The following CFAP20DC variants were observed in gnomAD, a reference collection of about 807,000 sequenced individuals.
The protein encoded by CFAP20DC is CFAP20 domain containing, also known as protein CFAP20DC.
CFAP20DC carries 84 observed loss-of-function variants against 101.7 expected under a neutral mutation model. The ratio of observed to expected loss-of-function variants is 0.83; its 90% CI spans 0.69 to 0.99. CFAP20DC has a LOEUF of 0.99. Ranked by LOEUF, CFAP20DC falls within the 50% of genes least tolerant of loss-of-function variation. The pLI is 0.00. For synonymous variants in CFAP20DC, 359 were observed against 351.2 expected, an observed-to-expected ratio of 1.02 and a Z score of -0.25; for missense variants, 1,007 against 970.3, an observed-to-expected ratio of 1.04 and a Z score of -0.50.
intron 15 of CFAP20DC, among the ~76,000 whole-genome samples, chr3:58,794,631 G>A (rs941235968): frequency 4.6e-5 from 7 of 152,116 alleles, no homozygotes; most frequent in African/African-American, 1.7e-4. Context: ...AAATTACAGG[G>A]AAGAAGTAAC....
chr3:59,027,128 G>A (rs905627753), intron 4 of CFAP20DC, among the ~76,000 whole-genome samples: 1 of 152,160 alleles, frequency 6.6e-6, no homozygotes, highest in African/African-American at 2.4e-5. Context: ...ACTCTGGAAT[G>A]AGCATCATAA....
chr3:58,877,791 G>C (rs1257489991), intron 7 of CFAP20DC, among the ~76,000 whole-genome samples: 3 of 152,124 alleles, frequency 2.0e-5, no homozygotes, highest in Non-Finnish European at 4.4e-5. Flanking sequence ...TGAAAAACTG[G>C]GTTTATTAAT....
At chr3:58,853,482 T>G (rs551424722) in intron 12 of CFAP20DC, among the ~76,000 whole-genome samples, 25 of 152,260 alleles carry the variant, frequency 1.6e-4, no homozygotes, top group African/African-American at 4.1e-4. Flanking sequence ...TAAATCATTT[T>G]ATGAGGCCAG....
chr3:58,956,104 G>A (rs926918950), intron 4 of CFAP20DC, among the ~76,000 whole-genome samples: 1 of 151,430 alleles, frequency 6.6e-6, no homozygotes, highest in Non-Finnish European at 1.5e-5. Flanking sequence ...TATATTCCCA[G>A]TTGTAGTGGC....
intron 4 of CFAP20DC, among the ~76,000 whole-genome samples, chr3:59,032,738 A>G (rs2094020317): frequency 6.6e-6 from 1 of 152,186 alleles, no homozygotes; most frequent in Non-Finnish European, 1.5e-5. Context: ...CCTGGGATGG[A>G]GCACCTGGGG....
chr3:58,937,743 T>A lies in CFAP20DC; in HGVS notation c.298A>T (p.Ile100Phe). ...GTTGATAAATATAATCTTCTTTTGA[T>A]GTTCCCTAAATCAGTAATTCTGAAA... Reference protein sequence around the residue: ...TELLITDLGNIKRRLYLSTVH... With the variant: ...TELLITDLGNFKRRLYLSTVH... Residue 100 changes from isoleucine (I) to phenylalanine (F), a missense_variant, in exon 5 of 17, where the codon ATC becomes TTC. Ile to Phe is a conservative substitution (Grantham distance 21, BLOSUM62 0). Coordinates refer to ENST00000482387, the MANE Select transcript of CFAP20DC (RefSeq NM_001394063.1). 6.3e-7 allele frequency: 1 copy of A among 1,599,886 alleles called. No homozygotes were observed. The highest frequency in any genetic ancestry group is 8.6e-7 in the Non-Finnish European group (1 of 1,167,384).
At chr3:58,752,306 C>G (rs2068632308) in intron 16 of CFAP20DC, among the ~76,000 whole-genome samples, 1 of 152,094 alleles carries the variant, frequency 6.6e-6, no homozygotes, top group African/African-American at 2.4e-5. Context: ...CAGGGGACAG[C>G]TGATAAAAAT....
chr3:59,038,243 C>T (rs2094137705), intron 4 of CFAP20DC, among the ~76,000 whole-genome samples: 1 of 152,090 alleles, frequency 6.6e-6, no homozygotes, highest in Non-Finnish European at 1.5e-5. Context: ...AACAAACCTG[C>T]ACGTTCTGCA....
In CFAP20DC at chr3:58,881,326, T is replaced by A. The variant is rs938662417; in HGVS notation, c.715+3219A>T. ...TTTGTGCTTAGTGGACCACTGCATCTTGTCACTAGTAGCTGAATGCTCAAC... is the reference window on the plus strand; with the variant it reads ...TTTGTGCTTAGTGGACCACTGCATCATGTCACTAGTAGCTGAATGCTCAAC... On this transcript the variant is annotated intron_variant, in intron 7 of 16. Coordinates refer to ENST00000482387, the MANE Select transcript of CFAP20DC (RefSeq NM_001394063.1). Among the ~76,000 whole-genome samples, 11 of 152,122 alleles carry A rather than the reference T, an allele frequency of 7.2e-5. 1 individual carries two copies. The highest frequency in any genetic ancestry group is 1.6e-4 in the Non-Finnish European group (11 of 67,970).
At chr3:58,815,407 AG>A (rs2075035440) in intron 14 of CFAP20DC, among the ~76,000 whole-genome samples, 1 of 138,458 alleles carries the variant, frequency 7.2e-6, no homozygotes, top group Non-Finnish European at 1.6e-5. Flanking sequence ...TAAAAACCCT[AG>A]AAGAAAACCT....
At chr3:59,045,020 G>A (rs1374706378) in intron 3 of CFAP20DC, among the ~76,000 whole-genome samples, 8 of 142,906 alleles carry the variant, frequency 5.6e-5, no homozygotes, top group Admixed American at 2.1e-4. Flanking sequence ...ACACACACAC[G>A]CAGAAACTAT....
chr3:58,771,214 C>A (rs2070811316), intron 15 of CFAP20DC, among the ~76,000 whole-genome samples: 1 of 150,748 alleles, frequency 6.6e-6, no homozygotes, highest in South Asian at 2.1e-4. Context: ...AACACATGGA[C>A]ACAGGGAGGG....
chr3:58,908,445 A>G (rs2083819085), intron 6 of CFAP20DC, among the ~76,000 whole-genome samples: 1 of 152,230 alleles, frequency 6.6e-6, no homozygotes, highest in East Asian at 1.9e-4. Context: ...ATCATACTAA[A>G]AAGTTTATAC....
chr3:58,734,343 C>A, intron 3 of CFAP20DC: 1 of 317,568 alleles, frequency 3.1e-6, no homozygotes, highest in Non-Finnish European at 6.3e-6. Flanking sequence ...ATGTATGTGC[C>A]CATATATACT....
intron 13 of CFAP20DC, among the ~76,000 whole-genome samples, chr3:58,845,723 T>C (rs1030156961): frequency 9.3e-5 from 14 of 150,998 alleles, no homozygotes; most frequent in African/African-American, 2.9e-4. Context: ...AAGAGAATTT[T>C]AGACCAATAT....
At chr3:58,958,439 A>G (rs1576484308) in intron 4 of CFAP20DC, among the ~76,000 whole-genome samples, 1 of 152,318 alleles carries the variant, frequency 6.6e-6, no homozygotes, top group South Asian at 2.1e-4. Flanking sequence ...AGTTGATGGA[A>G]CTGCAGGCTG....
chr3:59,008,617 A>G (rs929223858), intron 4 of CFAP20DC, among the ~76,000 whole-genome samples: 1 of 152,034 alleles, frequency 6.6e-6, no homozygotes, highest in African/African-American at 2.4e-5. Context: ...AGGACAAAAA[A>G]CCAAACACAG....
chr3:58,852,906 A>C (rs1166695594), intron 12 of CFAP20DC, among the ~76,000 whole-genome samples: 1 of 151,634 alleles, frequency 6.6e-6, no homozygotes, highest in African/African-American at 2.4e-5. Flanking sequence ...TTGACACCCT[A>C]ACATCACAAT....
At chr3:58,978,664 G>A (rs13093364) in intron 4 of CFAP20DC, among the ~76,000 whole-genome samples, 6,197 of 144,132 alleles carry the variant, frequency 0.043, 170 homozygotes, top group Middle Eastern at 0.09. Flanking sequence ...GGCCAAGATC[G>A]CCCCACTGCA....
Sources: allele counts gnomAD v4.1 joint callset (sites outside exome capture counted in the v4.1 genomes callset), GRCh38; gene constraint gnomAD v4.1.1; transcripts MANE v1.5; gene names NCBI Gene and HGNC (gene_info 2026-07-23, HGNC 2026-07-21).